HARS1: variants seen among roughly 807,000 people sequenced by gnomAD.
The protein encoded by HARS1 is histidyl-tRNA synthetase 1, also known as histidine--tRNA ligase, cytoplasmic.
A neutral mutation model predicts 63.6 loss-of-function variants in HARS1; 45 were observed. The ratio of observed to expected loss-of-function variants is 0.71; its 90% CI spans 0.56 to 0.91. The LOEUF is 0.91. Ranked by LOEUF, HARS1 falls within the 40% of genes least tolerant of loss-of-function variation. The probability of loss-of-function intolerance (pLI) is 0.00; values close to 1 mark genes in which losing one functional copy is unlikely to be tolerated. For missense variants in HARS1, 508 were observed against 643.2 expected (o/e 0.79, Z 2.27); for synonymous variants, 205 against 247.1 (o/e 0.83, Z 1.60).
Position 140,679,944 on chromosome 5 carries a change from T to G in HARS1, c.301-61A>C, listed in dbSNP as rs1474421158. Reference sequence around the variant, plus strand: ...AAACATAACAATTTAAAAGGAAGTTTTGAAAACAAACATGACTGATTCCAA... The same window carrying G: ...AAACATAACAATTTAAAAGGAAGTTGTGAAAACAAACATGACTGATTCCAA... On this transcript the variant is annotated intron_variant, in intron 3 of 12. Transcript: ENST00000504156. This position sits in a 1 kb window ranked among gnomAD's most constrained non-coding sequence, Gnocchi z 4.3. 6.2e-6 allele frequency: 6 copies of G among 961,894 alleles called. No individual in the cohort carries two copies. The highest frequency in any genetic ancestry group is 8.3e-6 in the Non-Finnish European group (5 of 605,798). 59.6% of individuals were successfully genotyped at this position (961,894 alleles called of 1,614,324 possible). A position where few individuals can be genotyped will look rare whatever the true frequency, so the allele number is the denominator to read the frequency against.
intron 2 of HARS1, chr5:140,687,365 T>C (rs1310036378): frequency 6.6e-6 from 1 of 152,044 alleles, no homozygotes; most frequent in Non-Finnish European, 1.5e-5. Flanking sequence ...GTTTCTTGTA[T>C]GTTTTTTGTA....
In HARS1 at chr5:140,690,913, A is replaced by C; in HGVS notation, c.122T>G (p.Leu41Arg). Residue 41 changes from leucine (L) to arginine (R), a missense_variant, in exon 2 of 13, where the codon CTG becomes CGG. By Grantham distance (102) the Leu-to-Arg change is moderately radical. Coordinates refer to ENST00000504156, the MANE Select transcript of HARS1 (RefSeq NM_002109.6). Reference sequence around the variant, plus strand: ...TTCATCAGGACCCAGCTGTGCCTTCAGTTTCAGGAGTTTCGCCACCTCCTC... The same window carrying C: ...TTCATCAGGACCCAGCTGTGCCTTCCGTTTCAGGAGTTTCGCCACCTCCTC... ...IEEEVAKLLK[L>R]KAQLGPDESK... 1.9e-6 allele frequency: 3 copies of C among 1,609,812 alleles called. No homozygotes were observed. The highest frequency in any genetic ancestry group is 2.6e-6 in the Non-Finnish European group (3 of 1,176,072).
At position 140,674,701 on chromosome 5, in the gene HARS1, C is replaced by A; in HGVS notation, c.1436G>T (p.Arg479Leu). ...CACCTCTTCCCTGCTCGTCACTGAA[C>A]GGAGCTTGATGACCCCATCCTTGAG... ...QELKDGVIKLRSVTSREEVDV... is the reference protein window; with the variant it reads ...QELKDGVIKLLSVTSREEVDV... Residue 479 changes from arginine to leucine, a missense_variant, in exon 12 of 13, where the codon CGT becomes CTT. Physicochemically the swap from Arg to Leu is moderately radical, Grantham distance 102. Around this residue, in one of 2 missense-constraint regions of HARS1, gnomAD observed 403 missense variants for 548.7 expected, o/e 0.73. Transcript: ENST00000504156. 6.2e-7 allele frequency: 1 copy of A among 1,614,216 alleles called. No homozygotes were observed. Among genetic ancestry groups the A allele is most frequent in the Non-Finnish European group, 8.5e-7 (1 of 1,180,040 alleles).
chr5:140,674,618 A>G (rs1758244626), intron 12 of HARS1, 61 bp downstream of exon 12: 3 of 1,583,744 alleles, frequency 1.9e-6, no homozygotes, highest in Non-Finnish European at 1.7e-6. Context: ...TTGAATGGGC[A>G]TGGGCCTGCC....
At chr5:140,680,754 C>A (rs1249167300) in intron 3 of HARS1, among the ~76,000 whole-genome samples, 1 of 151,606 alleles carries the variant, frequency 6.6e-6, no homozygotes, top group African/African-American at 2.4e-5. Flanking sequence ...GCAGGAGAAT[C>A]GCTTGAACCC....
intron 3 of HARS1, among the ~76,000 whole-genome samples, chr5:140,680,610 A>G (rs951515602): frequency 2.6e-5 from 4 of 151,820 alleles, no homozygotes; most frequent in Admixed American, 2.6e-4. Flanking sequence ...TTGGGAGGCC[A>G]AGGCGGATGG....
chr5:140,678,055 C>T, intron 5 of HARS1, 40 bp from the exon 6 acceptor site: 1 of 1,122,656 alleles, frequency 8.9e-7, no homozygotes, highest in Non-Finnish European at 1.4e-6. Flanking sequence ...CAGGGATTCA[C>T]CTTTCTGAAG....
chr5:140,678,090 C>T, intron 5 of HARS1, 75 bp from the exon 6 acceptor site: 1 of 780,860 alleles, frequency 1.3e-6, no homozygotes, highest in Non-Finnish European at 2.3e-6. Flanking sequence ...GCTCTGTCCT[C>T]TAGGAAGGCC....
In HARS1 at chr5:140,691,280, C is replaced by T. The variant is rs752978465; in HGVS notation, c.25G>A (p.Glu9Lys). Residue 9 changes from glutamate (E) to lysine (K), a missense_variant, in exon 1 of 13, where the codon GAG (glutamate) becomes AAG (lysine). By Grantham distance (56) the Glu-to-Lys change is moderately conservative. Around this residue, in one of 2 missense-constraint regions of HARS1, gnomAD observed 105 missense variants for 94.5 expected, o/e 1.11. Coordinates refer to ENST00000504156, the MANE Select transcript of HARS1 (RefSeq NM_002109.6). MAERAALEELVKLQGERVR... is the reference protein window; with the variant it reads MAERAALEKLVKLQGERVR... The stretch of plus-strand genomic sequence containing the variant: ...CGCTCTCCCTGAAGTTTCACCAGCT[C>T]CTCCAGCGCCGCACGCTCTGCCATC... 12 of 1,607,798 alleles carry T rather than the reference C, an allele frequency of 7.5e-6. No individual in the cohort carries two copies. In the South Asian group the frequency reaches 1.3e-4, roughly 18 times the overall value.
In HARS1 at chr5:140,678,716, C is replaced by T. The variant is rs938008757; in HGVS notation, c.522+286G>A. On this transcript the variant is annotated intron_variant, in intron 5 of 12. Coordinates refer to ENST00000504156, the MANE Select transcript of HARS1 (RefSeq NM_002109.6). ...AAAATTAGCCGGGCATAGTGGCAGG[C>T]GCCTGTAATCCCAGCTACTCAGGTG... 4.3e-5 allele frequency: 10 copies of T among 231,140 alleles called. No homozygotes were observed. In the East Asian group the frequency reaches 7.2e-4, roughly 17 times the overall value. The allele number at this position is 231,140 out of a possible 1,614,324, so 14.3% of individuals were successfully genotyped here. A position where few individuals can be genotyped will look rare whatever the true frequency, so the allele number is the denominator to read the frequency against.
chr5:140,674,359 A>G, intron 12 of HARS1, 31 bp from the exon 13 acceptor site: 1 of 1,440,118 alleles, frequency 6.9e-7, no homozygotes, highest in African/African-American at 1.4e-5. Flanking sequence ...AGGTGGTATA[A>G]GCATCTTCCA....
intron 1 of HARS1, 87 bp downstream of exon 1, chr5:140,691,128 C>T: frequency 9.0e-7 from 1 of 1,109,834 alleles, no homozygotes; most frequent in Non-Finnish European, 1.3e-6. Flanking sequence ...TCGCTTCCCT[C>T]ACATCTCTAC....
At chr5:140,674,927 T>C in intron 11 of HARS1, 90 bp downstream of exon 11, 2 of 1,499,196 alleles carry the variant, frequency 1.3e-6, no homozygotes, top group South Asian at 2.3e-5. Context: ...TTTTGAGAAG[T>C]AATGGCAGGA....
chr5:140,674,391 T>A, intron 12 of HARS1, 63 bp from the exon 13 acceptor site: 1 of 1,125,544 alleles, frequency 8.9e-7, no homozygotes, highest in Non-Finnish European at 1.4e-6. Context: ...CCCGAGTGCC[T>A]AGTTTCCTCT....
chr5:140,683,033 T>A, intron 3 of HARS1, 67 bp downstream of exon 3: 1 of 1,508,554 alleles, frequency 6.6e-7, no homozygotes, highest in Non-Finnish European at 9.2e-7. Context: ...ACTCTCTTGT[T>A]GTCATCTTCT....
At chr5:140,680,819 G>A (rs1188798409) in intron 3 of HARS1, among the ~76,000 whole-genome samples, 1 of 150,494 alleles carries the variant, frequency 6.6e-6, no homozygotes, top group Non-Finnish European at 1.5e-5. Context: ...CAGCCTGGGT[G>A]ACGAGAGTGA....
At chr5:140,684,172 C>T (rs1050825332) in intron 2 of HARS1, 1 of 169,144 alleles carries the variant, frequency 5.9e-6, no homozygotes, top group Non-Finnish European at 1.2e-5. Flanking sequence ...TGCCTGTAGT[C>T]CCAGCTACTT....
chr5:140,679,485 C>G lies in HARS1; in HGVS notation c.396+303G>C. On this transcript the variant is annotated intron_variant, in intron 4 of 12. Transcript: ENST00000504156. The surrounding 1 kb of genome is among the most constrained non-coding windows in gnomAD (Gnocchi z 4.3). ...GCTTGGAGACAAGGGAAATGTGTTGCTAGTCCATTAAGAAGAATTTTGTTC... is the reference window on the plus strand; with the variant it reads ...GCTTGGAGACAAGGGAAATGTGTTGGTAGTCCATTAAGAAGAATTTTGTTC... 2.4e-6 allele frequency: 1 copy of G among 408,394 alleles called. No individual in the cohort carries two copies. Among genetic ancestry groups the G allele is most frequent in the African/African-American group, 2.1e-5 (1 of 48,706 alleles). 25.3% of individuals were successfully genotyped at this position (408,394 alleles called of 1,614,324 possible).
Position 140,676,623 on chromosome 5 carries a change from G to A in HARS1, c.1194+31C>T, listed in dbSNP as rs1342843072. 6.2e-7 allele frequency: 1 copy of A among 1,604,390 alleles called. No individual in the cohort carries two copies. The highest frequency in any genetic ancestry group is 2.2e-5 in the East Asian group (1 of 44,644). On this transcript the variant is annotated intron_variant, in intron 10 of 12. Coordinates refer to ENST00000504156, the MANE Select transcript of HARS1 (RefSeq NM_002109.6). The surrounding 1 kb of genome is among the most constrained non-coding windows in gnomAD (Gnocchi z 4.1). Reference sequence around the variant, plus strand: ...TAGCTTAGGTGCCACCACCTGCTCAGACTATCTTCTACCTACCTCCTAGGA... The same window carrying A: ...TAGCTTAGGTGCCACCACCTGCTCAAACTATCTTCTACCTACCTCCTAGGA...
Sources: allele counts gnomAD v4.1 joint callset (sites outside exome capture counted in the v4.1 genomes callset), GRCh38; gene constraint gnomAD v4.1.1; regional missense constraint gnomAD v4.1.1; non-coding constraint Gnocchi (gnomAD v3.1); transcripts MANE v1.5; gene names NCBI Gene and HGNC (gene_info 2026-07-23, HGNC 2026-07-21).